Variants in CERS6 observed in about 807,000 individuals in gnomAD.
CERS6 encodes the protein ceramide synthase 6, also known as LAG1 homolog, ceramide synthase 6.
In CERS6, 26 loss-of-function variants were observed where a neutral mutation model predicts 56.8. The observed-to-expected ratio is 0.46, with a 90% CI of 0.34 to 0.63. The LOEUF is 0.63. Ranked by LOEUF, CERS6 falls within the 30% of genes least tolerant of loss-of-function variation. The pLI is 0.01. For synonymous variants in CERS6, 164 were observed against 173.3 expected, an observed-to-expected ratio of 0.95 and a Z score of 0.42; for missense variants, 415 against 467.5, an observed-to-expected ratio of 0.89 and a Z score of 1.04.
chr2:168,767,061 A>G (rs989435846), intron 9 of CERS6, among the ~76,000 whole-genome samples: 9 of 152,264 alleles, frequency 5.9e-5, no homozygotes, highest in Non-Finnish European at 1.3e-4. Context: ...CAATATGATA[A>G]CAATAACTAA....
At chr2:168,528,908 G>A (rs1336237023) in intron 1 of CERS6, among the ~76,000 whole-genome samples, 1 of 152,182 alleles carries the variant, frequency 6.6e-6, no homozygotes, top group Non-Finnish European at 1.5e-5. Context: ...ATAAGGCCTT[G>A]AATTCAAATA....
chr2:168,601,430 G>A (rs1683929923), intron 3 of CERS6, among the ~76,000 whole-genome samples: 1 of 152,154 alleles, frequency 6.6e-6, no homozygotes, highest in South Asian at 2.1e-4. Context: ...GCTTTCTGAA[G>A]ACAAAGACCA....
At chr2:168,627,628 G>A (rs984268887) in intron 3 of CERS6, among the ~76,000 whole-genome samples, 18 of 16,838 alleles carry the variant, frequency 1.1e-3, no homozygotes, top group African/African-American at 3.0e-3. Context: ...CTTGAACACT[G>A]AAGTTTTTTT....
At chr2:168,614,972 A>AC (rs927860876) in intron 3 of CERS6, among the ~76,000 whole-genome samples, 32 of 151,224 alleles carry the variant, frequency 2.1e-4, no homozygotes, top group Admixed American at 1.5e-3. Context: ...AGTCCATTTC[A>AC]CCCCCCCTGC....
chr2:168,633,731 A>G (rs1265369728), intron 4 of CERS6, among the ~76,000 whole-genome samples: 1 of 152,238 alleles, frequency 6.6e-6, no homozygotes, highest in Admixed American at 6.5e-5. Context: ...AAAAAAAATT[A>G]AAGATGCTGC....
intron 1 of CERS6, among the ~76,000 whole-genome samples, chr2:168,481,783 T>C (rs1207363853): frequency 6.6e-6 from 1 of 152,266 alleles, no homozygotes; most frequent in African/African-American, 2.4e-5. Flanking sequence ...GGTTTACTTA[T>C]TGAGCTAAGA....
intron 1 of CERS6, among the ~76,000 whole-genome samples, chr2:168,469,254 T>G (rs1693935484): frequency 6.6e-6 from 1 of 152,230 alleles, no homozygotes; most frequent in African/African-American, 2.4e-5. Context: ...TGCTTTCAAC[T>G]ATAGGCACTT....
At chr2:168,485,689 G>A (rs1198754407) in intron 1 of CERS6, among the ~76,000 whole-genome samples, 2 of 151,940 alleles carry the variant, frequency 1.3e-5, no homozygotes, top group South Asian at 2.1e-4. Context: ...AATTCATTTT[G>A]TATGGCTGAG....
At chr2:168,499,545 C>A (rs1694541215) in intron 1 of CERS6, among the ~76,000 whole-genome samples, 1 of 152,118 alleles carries the variant, frequency 6.6e-6, no homozygotes, top group Non-Finnish European at 1.5e-5. Context: ...GTTGGTACTT[C>A]TTGTAACCCT....
intron 5 of CERS6, among the ~76,000 whole-genome samples, chr2:168,693,098 C>T (rs893345511): frequency 2.0e-5 from 3 of 152,014 alleles, no homozygotes; most frequent in Non-Finnish European, 4.4e-5. Context: ...TGTGAAGTTG[C>T]ATTCAGTTGA....
At chr2:168,545,715 C>T (rs1286320715) in intron 1 of CERS6, among the ~76,000 whole-genome samples, 2 of 152,212 alleles carry the variant, frequency 1.3e-5, no homozygotes, top group African/African-American at 2.4e-5. Flanking sequence ...TCTTGACCCC[C>T]TCCTGTGTAT....
Position 168,685,195 on chromosome 2 carries a change from C to T in CERS6, c.466-5839C>T, listed in dbSNP as rs58701801. ...GAAATTTGCCTCAAGATGCTGATTTCGAGTAAATACCCACACACCTTTTAC... is the reference window on the plus strand; with the variant it reads ...GAAATTTGCCTCAAGATGCTGATTTTGAGTAAATACCCACACACCTTTTAC... On this transcript the variant is annotated intron_variant, in intron 4 of 9. Coordinates refer to ENST00000305747, the MANE Select transcript of CERS6 (RefSeq NM_203463.3). 1.0e-2 allele frequency among the ~76,000 whole-genome samples: 1,516 copies of T among 152,258 alleles called. 18 individuals are homozygous for T. Among genetic ancestry groups the T allele is most frequent in the African/African-American group, 0.034 (1,401 of 41,558 alleles).
chr2:168,717,797 G>GA lies in CERS6; in HGVS notation c.739-74dup, dbSNP rs1687262709. ...ATCTGGTAAGGTATATCTTATAGGA[G>GA]ATTCATGCATATTGAAAGAAACTTT... On this transcript the variant is annotated intron_variant, in intron 7 of 9. Transcript: ENST00000305747. 11 of 1,023,644 alleles carry GA rather than the reference G, an allele frequency of 1.1e-5. No homozygotes were observed. In the East Asian group the frequency reaches 2.8e-4, roughly 26 times the overall value. 63.4% of individuals were successfully genotyped at this position (1,023,644 alleles called of 1,614,324 possible). A position where few individuals can be genotyped will look rare whatever the true frequency, so the allele number is the denominator to read the frequency against.
rs1573999722 is a variant in CERS6, at chr2:168,464,342, A to G, written c.170+7724A>G. 2.6e-5 allele frequency among the ~76,000 whole-genome samples: 4 copies of G among 151,820 alleles called. No homozygotes were observed. The South Asian group carries it at 6.2e-4, about 24-fold the overall frequency. On this transcript the variant is annotated intron_variant, in intron 1 of 9. Transcript: ENST00000305747. ...AAGTAGCTGGGATTATGTATTTTTA[A>G]TAGAGATGGGGTTTCACCATGTTGG... is the stretch of plus-strand genomic sequence containing the variant.
intron 4 of CERS6, among the ~76,000 whole-genome samples, chr2:168,681,573 G>A (rs2105350885): frequency 6.6e-6 from 1 of 152,220 alleles, no homozygotes; most frequent in Admixed American, 6.5e-5. Flanking sequence ...TGTATATAAT[G>A]CATAAAGATG....
intron 6 of CERS6, among the ~76,000 whole-genome samples, chr2:168,714,465 T>C (rs1687177567): frequency 6.6e-6 from 1 of 152,184 alleles, no homozygotes; most frequent in Non-Finnish European, 1.5e-5. Flanking sequence ...CCCCAATCAT[T>C]AGTAGTCAGA....
chr2:168,731,141 C>T (rs1403453054), intron 8 of CERS6, among the ~76,000 whole-genome samples: 2 of 152,114 alleles, frequency 1.3e-5, no homozygotes, highest in Admixed American at 1.3e-4. Flanking sequence ...ATGGAATTGT[C>T]TGTTAGCTGT....
chr2:168,480,864 C>T (rs2105332440), intron 1 of CERS6, among the ~76,000 whole-genome samples: 1 of 152,288 alleles, frequency 6.6e-6, no homozygotes, highest in African/African-American at 2.4e-5. Context: ...AACCCTCAGA[C>T]AAGCCAGAGT....
intron 3 of CERS6, among the ~76,000 whole-genome samples, chr2:168,613,310 C>T (rs573175096): frequency 5.3e-5 from 8 of 152,218 alleles, no homozygotes; most frequent in African/African-American, 1.9e-4. Context: ...AGTGATTGCC[C>T]AGCATACAGG....
Sources: gnomAD v4.1 joint callset for allele counts (sites outside exome capture counted in the v4.1 genomes callset) on GRCh38, gnomAD v4.1.1 for gene constraint, MANE v1.5 for transcripts, NCBI Gene and HGNC (gene_info 2026-07-23, HGNC 2026-07-21) for gene names.